The following DOCK1 variants were observed in gnomAD, a reference collection of about 807,000 sequenced individuals.
DOCK1 encodes dedicator of cytokinesis protein 1.
Under a neutral mutation model 262.7 loss-of-function variants are expected in DOCK1, and 138 were observed. The observed-to-expected ratio is 0.53, with a 90% CI of 0.46 to 0.61. The LOEUF is 0.61. DOCK1 is among the 20% of genes least tolerant of loss of function. The probability of loss-of-function intolerance (pLI) is 0.00; values close to 1 mark genes in which losing one functional copy is unlikely to be tolerated. For synonymous variants in DOCK1, 866 were observed against 867.4 expected, an observed-to-expected ratio of 1.00 and a Z score of 0.03; for missense variants, 1,908 against 2,370.7, an observed-to-expected ratio of 0.80 and a Z score of 4.05.
intron 1 of DOCK1, among the ~76,000 whole-genome samples, chr10:126,942,063 C>A (rs1019178198): frequency 1.8e-4 from 27 of 151,908 alleles, no homozygotes; most frequent in Admixed American, 5.2e-4. Flanking sequence ...CTCGCTCTGT[C>A]GCCCAGGCTG....
intron 1 of DOCK1, among the ~76,000 whole-genome samples, chr10:126,935,993 T>C (rs1203273649): frequency 2.0e-5 from 3 of 152,228 alleles, no homozygotes; most frequent in Non-Finnish European, 4.4e-5. Flanking sequence ...CATTTTTTAA[T>C]TTTTTTAGAC....
intron 23 of DOCK1, among the ~76,000 whole-genome samples, chr10:127,105,096 A>C (rs1353332792): frequency 6.6e-6 from 1 of 152,120 alleles, no homozygotes; most frequent in Non-Finnish European, 1.5e-5. Flanking sequence ...CTGAGATCTG[A>C]TGGTTTTATA....
chr10:127,027,895 G>A (rs1434831029), intron 16 of DOCK1, among the ~76,000 whole-genome samples: 1 of 152,070 alleles, frequency 6.6e-6, no homozygotes, highest in Non-Finnish European at 1.5e-5. Context: ...TGGGCCTGCT[G>A]TTGTTCAGGG....
chr10:127,273,320 G>C (rs1191553374), intron 29 of DOCK1, among the ~76,000 whole-genome samples: 2 of 152,178 alleles, frequency 1.3e-5, no homozygotes, highest in Admixed American at 6.5e-5. Context: ...CCCTTTTGCT[G>C]TGTGCCTTCC....
chr10:127,309,361 G>A (rs917322786), intron 29 of DOCK1, among the ~76,000 whole-genome samples: 45 of 152,096 alleles, frequency 3.0e-4, no homozygotes, highest in Non-Finnish European at 5.6e-4. Flanking sequence ...TGGGTAGATT[G>A]CAAAAATTTT....
intron 25 of DOCK1, among the ~76,000 whole-genome samples, chr10:127,114,515 T>C (rs2049052795): frequency 6.6e-6 from 1 of 152,142 alleles, no homozygotes; most frequent in Admixed American, 6.5e-5. Context: ...GAGTCTTCTC[T>C]GAGCAGTTTT....
At chr10:127,212,055 A>G (rs941613333) in intron 27 of DOCK1, among the ~76,000 whole-genome samples, 2 of 152,218 alleles carry the variant, frequency 1.3e-5, no homozygotes, top group Admixed American at 6.5e-5. Context: ...GAATAAGCAT[A>G]TATTACAAAA....
At chr10:127,097,649 A>G (rs2047992545) in intron 23 of DOCK1, among the ~76,000 whole-genome samples, 1 of 152,210 alleles carries the variant, frequency 6.6e-6, no homozygotes, top group Non-Finnish European at 1.5e-5. Context: ...TGGTGGACAG[A>G]CGAAAGCTTT....
intron 23 of DOCK1, among the ~76,000 whole-genome samples, chr10:127,064,941 T>G (rs2045766754): frequency 6.6e-6 from 1 of 152,146 alleles, no homozygotes; most frequent in Non-Finnish European, 1.5e-5. Flanking sequence ...ACTTTCTGGG[T>G]CTAAGAATTT....
chr10:127,405,684 C>T (rs2134343289), intron 40 of DOCK1, among the ~76,000 whole-genome samples: 1 of 152,228 alleles, frequency 6.6e-6, no homozygotes, highest in Non-Finnish European at 1.5e-5. Flanking sequence ...ACAGACCTCC[C>T]CTTAGGAAGG....
intron 48 of DOCK1, among the ~76,000 whole-genome samples, chr10:127,435,511 G>T (rs926375350): frequency 6.6e-6 from 1 of 152,210 alleles, no homozygotes; most frequent in Non-Finnish European, 1.5e-5. Context: ...TCTCAATTTA[G>T]AGGTATTTAA....
intron 30 of DOCK1, among the ~76,000 whole-genome samples, chr10:127,341,148 A>T (rs1480467961): frequency 1.3e-5 from 2 of 152,186 alleles, no homozygotes; most frequent in Non-Finnish European, 2.9e-5. Flanking sequence ...TGTAGTTAGT[A>T]TAGGGGTAAG....
At chr10:127,099,477 G>C (rs2048106126) in intron 23 of DOCK1, among the ~76,000 whole-genome samples, 1 of 152,176 alleles carries the variant, frequency 6.6e-6, no homozygotes, top group Non-Finnish European at 1.5e-5. Context: ...CCCCGGTTCT[G>C]CAGGGTGCAC....
chr10:127,392,621 G>A (rs7898198), intron 38 of DOCK1, among the ~76,000 whole-genome samples: 70,660 of 151,650 alleles, frequency 0.47, 16,765 homozygotes, highest in African/African-American at 0.51. Flanking sequence ...CAATCAAGAA[G>A]GTGGCCGTCA....
At chr10:127,260,607 C>G (rs1177834605) in intron 29 of DOCK1, among the ~76,000 whole-genome samples, 1 of 150,654 alleles carries the variant, frequency 6.6e-6, no homozygotes. Context: ...GTGTGTGTAC[C>G]TGCATGTGTG....
chr10:127,079,204 T>C (rs529403182), intron 23 of DOCK1, among the ~76,000 whole-genome samples: 1 of 152,130 alleles, frequency 6.6e-6, no homozygotes, highest in Non-Finnish European at 1.5e-5. Flanking sequence ...ACCGGTGGTG[T>C]TGGGTATATT....
chr10:127,139,634 G>A (rs2051030691), intron 27 of DOCK1, among the ~76,000 whole-genome samples: 1 of 152,152 alleles, frequency 6.6e-6, no homozygotes, highest in South Asian at 2.1e-4. Context: ...TGAAATCCGG[G>A]CCTCAGTTCC....
intron 13 of DOCK1, among the ~76,000 whole-genome samples, chr10:127,022,515 C>T (rs977311616): frequency 2.0e-5 from 3 of 151,868 alleles, no homozygotes; most frequent in Admixed American, 2.0e-4. Context: ...ACTTCTGCCT[C>T]CCGAGTAGCT....
At chr10:127,229,183 C>T (rs1484632509) in intron 27 of DOCK1, among the ~76,000 whole-genome samples, 1 of 152,184 alleles carries the variant, frequency 6.6e-6, no homozygotes, top group Non-Finnish European at 1.5e-5. Flanking sequence ...GAGATCGCAT[C>T]ACTGCACTCC....
Sources: gnomAD v4.1 joint callset for allele counts (sites outside exome capture counted in the v4.1 genomes callset) on GRCh38, gnomAD v4.1.1 for gene constraint, MANE v1.5 for transcripts, NCBI Gene and HGNC (gene_info 2026-07-23, HGNC 2026-07-21) for gene names.